QPRT: variants seen among roughly 807,000 people sequenced by gnomAD.
The protein encoded by QPRT is nicotinate-nucleotide pyrophosphorylase [carboxylating].
A neutral mutation model predicts 19.8 loss-of-function variants in QPRT; 17 were observed. The observed-to-expected ratio is 0.86, with a 90% CI of 0.59 to 1.29. The LOEUF is 1.29. Among genes scored for constraint, QPRT ranks in the 50% most tolerant of loss-of-function variants. The probability of loss-of-function intolerance (pLI) is 0.00; values close to 1 mark genes in which losing one functional copy is unlikely to be tolerated. For missense variants in QPRT, 336 were observed against 405.1 expected, an observed-to-expected ratio of 0.83 and a Z score of 1.46; for synonymous variants, 178 against 191.0, an observed-to-expected ratio of 0.93 and a Z score of 0.56.
In QPRT at chr16:29,694,707, G is replaced by A. The variant is rs1219410979; in HGVS notation, c.57G>A (p.Val19=). The A allele has an allele frequency of 6.4e-7, 1 of 1,571,342 alleles. No homozygotes were observed. The highest frequency in any genetic ancestry group is 8.6e-7 in the Non-Finnish European group (1 of 1,156,176). Residue 19 remains valine, a synonymous_variant, in exon 2 of 4, where the codon GTG becomes GTA. Coordinates refer to ENST00000395384, the MANE Select transcript of QPRT (RefSeq NM_014298.6). The stretch of plus-strand genomic sequence containing the variant: ...CGCCCGTCACCCTGGCAGCCCTGGT[G>A]GACAGCTGGCTCCGAGAGGACTGCC... ...LLPPVTLAAL[V]DSWLREDCPG... is the part of the protein sequence containing the mutation.
upstream of QPRT, chr16:29,679,136 G>C (rs1417324139): frequency 2.5e-6 from 4 of 1,613,478 alleles, no homozygotes; most frequent in African/African-American, 2.7e-5. Context: ...CCCCAGCCTG[G>C]GGCCTCTGGG....
At chr16:29,696,370 G>C (rs1221471688) in intron 2 of QPRT, 1 of 152,308 alleles carries the variant, frequency 6.6e-6, no homozygotes, top group Non-Finnish European at 1.5e-5. Context: ...AGCCCCTGTA[G>C]TCCCAGCCAC....
chr16:29,696,843 G>C (rs1183948719), intron 2 of QPRT, 153 bp from the exon 3 acceptor site: 1 of 864,474 alleles, frequency 1.2e-6, no homozygotes, highest in Non-Finnish European at 1.7e-6. Flanking sequence ...CAAGTTCATG[G>C]TCCACCCGAA....
At chr16:29,683,754 G>A (rs189006402) in intron 1 of QPRT, among the ~76,000 whole-genome samples, 24 of 152,298 alleles carry the variant, frequency 1.6e-4, no homozygotes, top group African/African-American at 4.1e-4. Flanking sequence ...TACCCCCAGA[G>A]ATTCTGGTTC....
chr16:29,692,120 T>C (rs930341367), intron 1 of QPRT, among the ~76,000 whole-genome samples: 2 of 152,196 alleles, frequency 1.3e-5, no homozygotes, highest in East Asian at 1.9e-4. Context: ...TCCATTAGGC[T>C]GCAGGTCTTC....
chr16:29,682,205 A>C (rs1567327302), intron 1 of QPRT, among the ~76,000 whole-genome samples: 2 of 132,656 alleles, frequency 1.5e-5, no homozygotes, highest in Non-Finnish European at 1.6e-5. Flanking sequence ...AATTAAAATA[A>C]ATTTTTTTTT....
chr16:29,691,052 C>T (rs1967311047), intron 1 of QPRT, among the ~76,000 whole-genome samples: 2 of 150,608 alleles, frequency 1.3e-5, no homozygotes, highest in Admixed American at 1.3e-4. Flanking sequence ...TTTAAAAAAT[C>T]AGCCTGAAAA....
At chr16:29,680,985 G>A (rs1013458288) in intron 1 of QPRT, among the ~76,000 whole-genome samples, 2 of 151,976 alleles carry the variant, frequency 1.3e-5, no homozygotes, top group East Asian at 3.9e-4. Flanking sequence ...AAGGTTGTGG[G>A]GAGGACAGAG....
intron 1 of QPRT, among the ~76,000 whole-genome samples, chr16:29,682,466 A>C (rs1237158258): frequency 6.6e-6 from 1 of 151,928 alleles, no homozygotes; most frequent in Admixed American, 6.6e-5. Flanking sequence ...TCTGCCTCCC[A>C]GGTTCAAGTG....
In QPRT at chr16:29,687,637, C is replaced by T. The variant is rs141443102; in HGVS notation, c.14-7027C>T. 4.3e-3 allele frequency among the ~76,000 whole-genome samples: 656 copies of T among 152,278 alleles called. 3 individuals carry two copies. The highest frequency in any genetic ancestry group is 0.015 in the African/African-American group (634 of 41,566). ...TGGCACATGCCTGTAATCCCAGCTACTCAGGAGGCTGAGGCAGGAGAACTC... is the reference window on the plus strand; with the variant it reads ...TGGCACATGCCTGTAATCCCAGCTATTCAGGAGGCTGAGGCAGGAGAACTC... On this transcript the variant is annotated intron_variant, in intron 1 of 3. Transcript: ENST00000395384.
chr16:29,687,239 A>G (rs1967189213), intron 1 of QPRT, among the ~76,000 whole-genome samples: 1 of 152,106 alleles, frequency 6.6e-6, no homozygotes, highest in Non-Finnish European at 1.5e-5. Context: ...CGATGGGCAA[A>G]GACTGTGTCT....
intron 1 of QPRT, among the ~76,000 whole-genome samples, chr16:29,680,811 C>G (rs8053518): frequency 1.3e-5 from 2 of 151,848 alleles, no homozygotes; most frequent in South Asian, 2.1e-4. Flanking sequence ...TGTGGTGGTG[C>G]GCACCTGTAA....
intron 1 of QPRT, among the ~76,000 whole-genome samples, chr16:29,692,453 C>A (rs1340857523): frequency 6.6e-6 from 1 of 151,528 alleles, no homozygotes; most frequent in African/African-American, 2.4e-5. Context: ...TGGTGGTGGG[C>A]GCCTGTAGTC....
intron 1 of QPRT, among the ~76,000 whole-genome samples, chr16:29,686,017 T>C (rs1005306641): frequency 9.2e-5 from 14 of 152,028 alleles, no homozygotes; most frequent in Non-Finnish European, 1.3e-4. Flanking sequence ...TGTGCCACCA[T>C]GCCCGGCTAA....
Position 29,697,731 on chromosome 16 carries a change from A to C in QPRT, c.*320A>C. ...CCGGGCACGATGGCTCACACCTGTA[A>C]TCCCAGCACTTTGGGAGGCTGAGGC... On this transcript the variant is annotated 3_prime_UTR_variant, in exon 4 of 4. Coordinates refer to ENST00000395384, the MANE Select transcript of QPRT (RefSeq NM_014298.6). The surrounding 1 kb of genome is among the most constrained non-coding windows in gnomAD (Gnocchi z 4.4). 3.9e-6 allele frequency: 1 copy of C among 255,326 alleles called. No individual in the cohort carries two copies. Among genetic ancestry groups the C allele is most frequent in the Non-Finnish European group, 7.4e-6 (1 of 134,376 alleles). 15.8% of individuals were successfully genotyped at this position (255,326 alleles called of 1,614,324 possible). A position where few individuals can be genotyped will look rare whatever the true frequency, so the allele number is the denominator to read the frequency against.
intron 1 of QPRT, among the ~76,000 whole-genome samples, chr16:29,683,346 G>C (rs13334884): frequency 0.016 from 2,348 of 151,406 alleles, 48 homozygotes; most frequent in African/African-American, 0.053. Flanking sequence ...GGTCTTATGA[G>C]AGCATTGGTT....
Position 29,697,779 on chromosome 16 carries a change from A to G in QPRT, c.*368A>G. 1 of 182,878 alleles carries G rather than the reference A, an allele frequency of 5.5e-6. No individual in the cohort carries two copies. Among genetic ancestry groups the G allele is most frequent in the Non-Finnish European group, 1.1e-5 (1 of 88,448 alleles). The allele number at this position is 182,878 out of a possible 1,614,324, so 11.3% of individuals were successfully genotyped here. ...GGCGGGAAGATCACTTGAGTTCAGG[A>G]GTTTGAGACCAGCCTGGCCAACATG... is the stretch of plus-strand genomic sequence containing the variant. On this transcript the variant is annotated 3_prime_UTR_variant, in exon 4 of 4. Coordinates refer to ENST00000395384, the MANE Select transcript of QPRT (RefSeq NM_014298.6). The surrounding 1 kb of genome is among the most constrained non-coding windows in gnomAD (Gnocchi z 4.4).
intron 1 of QPRT, among the ~76,000 whole-genome samples, chr16:29,691,448 G>C (rs1967331304): frequency 1.3e-5 from 2 of 151,476 alleles, no homozygotes; most frequent in African/African-American, 4.9e-5. Context: ...GAGAGGCTGA[G>C]GTGCGAGGAT....
intron 1 of QPRT, among the ~76,000 whole-genome samples, chr16:29,686,814 C>T (rs971444537): frequency 1.3e-5 from 2 of 152,180 alleles, no homozygotes; most frequent in Non-Finnish European, 2.9e-5. Flanking sequence ...CCTCCAACTC[C>T]TGGCCTTGTC....
Sources: allele counts gnomAD v4.1 joint callset (sites outside exome capture counted in the v4.1 genomes callset), GRCh38; gene constraint gnomAD v4.1.1; non-coding constraint Gnocchi (gnomAD v3.1); transcripts MANE v1.5; gene names NCBI Gene and HGNC (gene_info 2026-07-23, HGNC 2026-07-21).